Variants in LIMS1 observed in about 807,000 individuals in gnomAD.
The protein encoded by LIMS1 is LIM zinc finger domain containing 1, also known as LIM and senescent cell antigen-like-containing domain protein 1.
A neutral mutation model predicts 44.1 loss-of-function variants in LIMS1; 18 were observed. The observed-to-expected ratio is 0.41, with a 90% CI of 0.28 to 0.61. The LOEUF (loss-of-function observed/expected upper bound fraction) is 0.61, where lower values mean the gene tolerates loss of function less well. Ranked by LOEUF, LIMS1 falls within the 20% of genes least tolerant of loss-of-function variation. The pLI is 0.32. For missense variants in LIMS1, 201 were observed against 422.0 expected (o/e 0.48, Z 4.59); for synonymous variants, 93 against 149.1 (o/e 0.62, Z 2.74).
chr2:108,682,441 A>T (rs1693070144), intron 9 of LIMS1, among the ~76,000 whole-genome samples: 1 of 152,166 alleles, frequency 6.6e-6, no homozygotes, highest in African/African-American at 2.4e-5. Context: ...CGGAGGTTGC[A>T]GTGAGCCGAG....
intron 1 of LIMS1, among the ~76,000 whole-genome samples, chr2:108,538,782 C>T (rs1252393890): frequency 1.3e-5 from 2 of 152,172 alleles, no homozygotes; most frequent in African/African-American, 4.8e-5. Context: ...TGTACATTGA[C>T]GTTGCTGTGC....
At chr2:108,561,702 T>C (rs556819544) in intron 1 of LIMS1, among the ~76,000 whole-genome samples, 229 of 152,190 alleles carry the variant, frequency 1.5e-3, no homozygotes, top group Admixed American at 4.9e-3. Flanking sequence ...TTCTTTGTTA[T>C]GATTATATGT....
At chr2:108,563,315 C>G (rs1384828498) in intron 1 of LIMS1, among the ~76,000 whole-genome samples, 1 of 152,164 alleles carries the variant, frequency 6.6e-6, no homozygotes, top group African/African-American at 2.4e-5. Flanking sequence ...GATGGTGATT[C>G]CTCTAATGGA....
In LIMS1 at chr2:108,682,250, C is replaced by T. The variant is rs756173670; in HGVS notation, c.899+1480C>T. 7.9e-5 allele frequency among the ~76,000 whole-genome samples: 12 copies of T among 152,078 alleles called. No individual in the cohort carries two copies. In the South Asian group the frequency reaches 8.3e-4, roughly 11 times the overall value. On this transcript the variant is annotated intron_variant, in intron 9 of 9. Coordinates refer to ENST00000544547, the Ensembl canonical transcript of LIMS1. ...CAATGAGGCCGGGCATGGTGGCTCACGCCTGTGATCCCAGCACTTTGAGAT... is the reference window on the plus strand; with the variant it reads ...CAATGAGGCCGGGCATGGTGGCTCATGCCTGTGATCCCAGCACTTTGAGAT...
At chr2:108,544,822 A>G (rs544458615) in intron 1 of LIMS1, among the ~76,000 whole-genome samples, 2 of 152,150 alleles carry the variant, frequency 1.3e-5, no homozygotes, top group South Asian at 2.1e-4. Flanking sequence ...ACTGATGGCA[A>G]ATCTTTGACT....
intron 1 of LIMS1, among the ~76,000 whole-genome samples, chr2:108,634,753 A>G (rs1047403490): frequency 5.9e-5 from 9 of 152,222 alleles, no homozygotes. Context: ...AATGACCATG[A>G]CAGGAAAGCA....
chr2:108,610,252 G>C (rs1359648618), intron 1 of LIMS1, among the ~76,000 whole-genome samples: 1 of 151,474 alleles, frequency 6.6e-6, no homozygotes, highest in Non-Finnish European at 1.5e-5. Flanking sequence ...GTCTCACTAT[G>C]TTGGTCAGGG....
chr2:108,611,792 T>A (rs1250709156), intron 1 of LIMS1, among the ~76,000 whole-genome samples: 10 of 148,388 alleles, frequency 6.7e-5, no homozygotes, highest in African/African-American at 2.5e-4. Context: ...GTGGGAGGAT[T>A]GCTTGAGCCA....
intron 1 of LIMS1, among the ~76,000 whole-genome samples, chr2:108,548,598 T>C (rs1158877594): frequency 2.0e-5 from 3 of 152,228 alleles, no homozygotes; most frequent in African/African-American, 7.2e-5. Context: ...GAACTGTCTA[T>C]TGAGTTTGAT....
chr2:108,622,645 TAAG>T (rs1034827650), intron 1 of LIMS1, among the ~76,000 whole-genome samples: 11 of 152,110 alleles, frequency 7.2e-5, no homozygotes, highest in Admixed American at 1.3e-4. Context: ...TTTAAATTGT[TAAG>T]AAGTTTGTAT....
chr2:108,649,206 GC>G (rs1690287917), intron 1 of LIMS1, among the ~76,000 whole-genome samples: 1 of 152,192 alleles, frequency 6.6e-6, no homozygotes, highest in South Asian at 2.1e-4. Context: ...TATTTATGCA[GC>G]CAACAGACAT....
In LIMS1 at chr2:108,598,212, G is replaced by A. The variant is rs905391805; in HGVS notation, c.33-61393G>A. ...TTAGGACATGATGTGTAAGTAGCTG[G>A]CTCAAAGCCCTCCATCTAGTAAGTT... On this transcript the variant is annotated intron_variant, in intron 1 of 9. Coordinates refer to ENST00000544547, the Ensembl canonical transcript of LIMS1. 7.2e-4 allele frequency among the ~76,000 whole-genome samples: 110 copies of A among 151,794 alleles called. 2 individuals are homozygous for A. The highest frequency in any genetic ancestry group is 3.4e-3 in the Middle Eastern group (1 of 294).
Position 108,662,682 on chromosome 2 carries a change from T to C in LIMS1, c.192+2918T>C, listed in dbSNP as rs1292231702. ...AACAAATAATCTTCACTTTCAGTTATATCCAGCAATAAGTTGTTTTCCAGA... is the reference window on the plus strand; with the variant it reads ...AACAAATAATCTTCACTTTCAGTTACATCCAGCAATAAGTTGTTTTCCAGA... On this transcript the variant is annotated intron_variant, in intron 2 of 9. Transcript: ENST00000544547. The C allele has an allele frequency of 4.3e-6, 4 of 939,276 alleles. No homozygotes were observed. In the Admixed American group the frequency reaches 2.0e-4, roughly 47 times the overall value. 58.2% of individuals were successfully genotyped at this position (939,276 alleles called of 1,614,324 possible).
At chr2:108,603,308 G>A (rs547668311) in intron 1 of LIMS1, among the ~76,000 whole-genome samples, 8 of 152,042 alleles carry the variant, frequency 5.3e-5, no homozygotes, top group Admixed American at 3.3e-4. Flanking sequence ...CTTTGATCTC[G>A]TTACTTGTTA....
At chr2:108,652,821 C>G (rs2148949947) in intron 1 of LIMS1, among the ~76,000 whole-genome samples, 1 of 152,174 alleles carries the variant, frequency 6.6e-6, no homozygotes, top group East Asian at 1.9e-4. Flanking sequence ...CATTAAATTT[C>G]TGGTCTGAGT....
intron 1 of LIMS1, among the ~76,000 whole-genome samples, chr2:108,542,782 C>T (rs1684357082): frequency 6.6e-6 from 1 of 152,142 alleles, no homozygotes; most frequent in South Asian, 2.1e-4. Context: ...GCTTAAACTC[C>T]TCTGTCTTGA....
chr2:108,596,779 C>T (rs1280761580), intron 1 of LIMS1, among the ~76,000 whole-genome samples: 12 of 151,848 alleles, frequency 7.9e-5, no homozygotes, highest in Admixed American at 2.0e-4. Context: ...ACCGAGATCA[C>T]GCCATTGCAC....
At position 108,561,737 on chromosome 2, in the gene LIMS1, T is replaced by G. The variant is rs919783104; in HGVS notation, c.32+27143T>G. Among the ~76,000 whole-genome samples, 5 of 116,418 alleles carry G rather than the reference T, an allele frequency of 4.3e-5. No individual in the cohort carries two copies. The East Asian group carries it at 5.2e-3, about 122-fold the overall frequency. The allele number at this position is 116,418 out of a possible 152,430, so 76.4% of individuals were successfully genotyped here. On this transcript the variant is annotated intron_variant, in intron 1 of 9. Transcript: ENST00000544547. ...TTGTGGTTCTCTGTGATCAGCAGTGTTTTTTTTTGTTTTTTTTTTTTTTGA... is the reference window on the plus strand; with the variant it reads ...TTGTGGTTCTCTGTGATCAGCAGTGGTTTTTTTTGTTTTTTTTTTTTTTGA...
intron 1 of LIMS1, among the ~76,000 whole-genome samples, chr2:108,537,287 C>A (rs989343581): frequency 3.9e-5 from 6 of 152,132 alleles, no homozygotes; most frequent in African/African-American, 1.4e-4. Flanking sequence ...ACTTTAAGAA[C>A]CACTGTTAAA....
Sources: allele counts gnomAD v4.1 joint callset (sites outside exome capture counted in the v4.1 genomes callset), GRCh38; gene constraint gnomAD v4.1.1; transcripts MANE v1.5; gene names NCBI Gene and HGNC (gene_info 2026-07-23, HGNC 2026-07-21).